RNF212: variants seen among roughly 807,000 people sequenced by gnomAD.
The protein encoded by RNF212 is ring finger protein 212, also known as probable E3 SUMO-protein ligase RNF212.
A neutral mutation model predicts 34.7 loss-of-function variants in RNF212; 33 were observed. The observed-to-expected ratio is 0.95, with a 90% CI of 0.72 to 1.27. The LOEUF is 1.27. Among genes scored for constraint, RNF212 ranks in the 50% most tolerant of loss-of-function variants. RNF212 has a pLI of 0.00. For missense variants in RNF212, 377 were observed against 362.2 expected (o/e 1.04, Z -0.33); for synonymous variants, 140 against 136.1 (o/e 1.03, Z -0.20).
At chr4:1,056,955 G>A (rs1717361856) in intron 4 of RNF212, 2 of 987,888 alleles carry the variant, frequency 2.0e-6, no homozygotes, top group South Asian at 4.7e-5. Context: ...GGTAACTGTG[G>A]TGTTGGCGTT....
chr4:1,109,042 C>A (rs1301705739), intron 1 of RNF212, among the ~76,000 whole-genome samples: 1 of 139,860 alleles, frequency 7.2e-6, no homozygotes, highest in East Asian at 2.2e-4. Context: ...GAGTTTCACT[C>A]TGTCACCCAG....
intron 4 of RNF212, among the ~76,000 whole-genome samples, chr4:1,089,786 T>A (rs755197037): frequency 6.6e-6 from 1 of 152,180 alleles, no homozygotes; most frequent in Non-Finnish European, 1.5e-5. Context: ...TGTTTGGCAG[T>A]TCCCCCTGCC....
rs748136638 is a variant in RNF212, at chr4:1,072,043, G to C, written c.*831C>G. On this transcript the variant is annotated 3_prime_UTR_variant, in exon 10 of 10. Coordinates refer to ENST00000433731, the MANE Select transcript of RNF212 (RefSeq NM_001131034.4). ...GATGCCCTTCAGTAGGTGAATGGAT[G>C]AACTATGATACATCCAGATAATGGA... is the stretch of plus-strand genomic sequence containing the variant. 4.6e-5 allele frequency: 7 copies of C among 152,170 alleles called. No individual in the cohort carries two copies. Among genetic ancestry groups the C allele is most frequent in the Non-Finnish European group, 8.8e-5 (6 of 68,032 alleles). 9.4% of individuals were successfully genotyped at this position (152,170 alleles called of 1,614,324 possible).
At chr4:1,113,649 C>T (rs902092209), upstream of RNF212, 2 of 488,582 alleles carry the variant, frequency 4.1e-6, no homozygotes, top group Non-Finnish European at 3.6e-6. Context: ...CCCGCAGCAC[C>T]TGGGAGGGCG....
At chr4:1,095,241 T>G (rs571867361) in intron 3 of RNF212, among the ~76,000 whole-genome samples, 1 of 104,212 alleles carries the variant, frequency 9.6e-6, no homozygotes, top group Non-Finnish European at 1.8e-5. Context: ...GGTCTCGGGA[T>G]AGCGCACCTG....
chr4:1,081,926 C>A (rs1720419472), intron 5 of RNF212: 2 of 340,342 alleles, frequency 5.9e-6, no homozygotes, highest in Non-Finnish European at 1.1e-5. Context: ...TAAGACCTGA[C>A]AACAGGAGCC....
chr4:1,077,854 G>C (rs1719574782), intron 8 of RNF212, among the ~76,000 whole-genome samples: 1 of 152,246 alleles, frequency 6.6e-6, no homozygotes. Flanking sequence ...CCATAAGGAA[G>C]CGTGTCCCTC....
intron 2 of RNF212, chr4:1,101,662 C>A: frequency 4.9e-6 from 1 of 205,578 alleles, no homozygotes; most frequent in Non-Finnish European, 1.0e-5. Context: ...GCTCCTTTCA[C>A]CTGAGAAACC....
At chr4:1,104,347 T>C (rs368409955) in intron 2 of RNF212, among the ~76,000 whole-genome samples, 64 of 152,318 alleles carry the variant, frequency 4.2e-4, no homozygotes, top group Non-Finnish European at 7.8e-4. Context: ...GCCCATACAA[T>C]AGTTCAAGAC....
rs1726164047 is a variant in RNF212, at chr4:1,113,515, A to G, written c.-51T>C. On this transcript the variant is annotated 5_prime_UTR_variant, in exon 1 of 10. Coordinates refer to ENST00000433731, the MANE Select transcript of RNF212 (RefSeq NM_001131034.4). The stretch of plus-strand genomic sequence containing the variant: ...GGCCGGGCCCACGCGAAGCCCACGC[A>G]AGGTTGGGACCAGCCTCCCCGCGCA... 1 of 1,507,050 alleles carries G rather than the reference A, an allele frequency of 6.6e-7. No individual in the cohort carries two copies. The highest frequency in any genetic ancestry group is 2.4e-5 in the East Asian group (1 of 41,956). The allele number at this position is 1,507,050 out of a possible 1,614,324, so 93.4% of individuals were successfully genotyped here.
At chr4:1,091,860 CTA>C (rs1722237815) in intron 3 of RNF212, among the ~76,000 whole-genome samples, 2 of 152,336 alleles carry the variant, frequency 1.3e-5, no homozygotes, top group Non-Finnish European at 2.9e-5. Flanking sequence ...GACAAGGGGA[CTA>C]TGTCTCCACC....
At chr4:1,106,090 T>C (rs1432315895) in intron 2 of RNF212, among the ~76,000 whole-genome samples, 1 of 150,826 alleles carries the variant, frequency 6.6e-6, no homozygotes, top group East Asian at 1.9e-4. Context: ...GAAGCCAGAG[T>C]GAGAGGAGGA....
chr4:1,072,856 T>C lies in RNF212; in HGVS notation c.*18A>G, dbSNP rs1327056725. 1.7e-5 allele frequency: 27 copies of C among 1,561,364 alleles called. No homozygotes were observed. The highest frequency in any genetic ancestry group is 2.7e-5 in the African/African-American group (2 of 73,554). On this transcript the variant is annotated 3_prime_UTR_variant, in exon 10 of 10. Coordinates refer to ENST00000433731, the MANE Select transcript of RNF212 (RefSeq NM_001131034.4). ...AATTGAAAACACTCAGAATCATTAATAGTCACATAAATGCAAATCAAAATG... is the reference window on the plus strand; with the variant it reads ...AATTGAAAACACTCAGAATCATTAACAGTCACATAAATGCAAATCAAAATG...
chr4:1,083,173 G>C (rs570600599), intron 5 of RNF212, among the ~76,000 whole-genome samples: 1 of 152,340 alleles, frequency 6.6e-6, no homozygotes, highest in South Asian at 2.1e-4. Context: ...TCCAGCGAGA[G>C]TGGAAGAAAA....
At position 1,107,458 on chromosome 4, in the gene RNF212, CT is replaced by C. The variant is rs750874171; in HGVS notation, c.171+884del. Reference sequence around the variant, plus strand: ...GGGAAACAGGATCTGGGGACTTACACTTTTTTTTTTTTTTTGAGACAGAGTC... The same window carrying C: ...GGGAAACAGGATCTGGGGACTTACACTTTTTTTTTTTTTTGAGACAGAGTC... On this transcript the variant is annotated intron_variant, in intron 2 of 9. Transcript: ENST00000433731. 477 of 143,456 alleles carry C rather than the reference CT, an allele frequency of 3.3e-3. 1 individual carries two copies. Among genetic ancestry groups the C allele is most frequent in the South Asian group, 0.011 (51 of 4,518 alleles). The allele number at this position is 143,456 out of a possible 1,614,324, so 8.9% of individuals were successfully genotyped here. A position where few individuals can be genotyped will look rare whatever the true frequency, so the allele number is the denominator to read the frequency against.
intron 1 of RNF212, among the ~76,000 whole-genome samples, chr4:1,111,992 A>G (rs1192450404): frequency 6.6e-6 from 1 of 152,226 alleles, no homozygotes; most frequent in East Asian, 1.9e-4. Flanking sequence ...GGTGATTGTT[A>G]GAGGACAGGA....
intron 4 of RNF212, among the ~76,000 whole-genome samples, chr4:1,087,863 T>C (rs1487098852): frequency 1.3e-5 from 2 of 151,980 alleles, no homozygotes; most frequent in African/African-American, 2.4e-5. Context: ...AGATGTGCCT[T>C]GCTCCCCCTT....
At chr4:1,073,235 G>A (rs1177910116) in intron 9 of RNF212, 42 bp from the exon 10 acceptor site, 2 of 1,601,006 alleles carry the variant, frequency 1.2e-6, no homozygotes, top group Non-Finnish European at 1.7e-6. Flanking sequence ...GAGATGGCCT[G>A]TGTGGGCTGA....
chr4:1,096,607 T>G (rs1723087648), intron 3 of RNF212, 158 bp downstream of exon 3: 1 of 678,328 alleles, frequency 1.5e-6, no homozygotes, highest in East Asian at 2.6e-5. Context: ...ATAGTGCACC[T>G]GGCTCATCAC....
Sources: allele counts gnomAD v4.1 joint callset (sites outside exome capture counted in the v4.1 genomes callset), GRCh38; gene constraint gnomAD v4.1.1; transcripts MANE v1.5; gene names NCBI Gene and HGNC (gene_info 2026-07-23, HGNC 2026-07-21).